DNAJB1: variants seen among roughly 807,000 people sequenced by gnomAD.
DNAJB1 encodes the protein dnaJ homolog subfamily B member 1.
A neutral mutation model predicts 24.0 loss-of-function variants in DNAJB1; 14 were observed. The ratio of observed to expected loss-of-function variants is 0.58; its 90% CI spans 0.39 to 0.91. The LOEUF is 0.91. DNAJB1 is among the 40% of genes least tolerant of loss of function. The probability of loss-of-function intolerance (pLI) is 0.00; values close to 1 mark genes in which losing one functional copy is unlikely to be tolerated. For synonymous variants in DNAJB1, 262 were observed against 174.4 expected, an observed-to-expected ratio of 1.50 and a Z score of -3.96; for missense variants, 517 against 458.1, an observed-to-expected ratio of 1.13 and a Z score of -1.17.
chr19:14,520,056 T>C (rs1035137530), upstream of DNAJB1, among the ~76,000 whole-genome samples: 1 of 152,146 alleles, frequency 6.6e-6, no homozygotes, highest in African/African-American at 2.4e-5. Flanking sequence ...CTTGGGTTAG[T>C]TACTAGGCCT....
intron 1 of DNAJB1, among the ~76,000 whole-genome samples, chr19:14,535,994 G>T (rs1003474477): frequency 6.6e-6 from 1 of 152,016 alleles, no homozygotes; most frequent in Non-Finnish European, 1.5e-5. Flanking sequence ...CCATTTCTTT[G>T]CTGTAGGCAC....
chr19:14,539,912 C>T (rs1307989052), intron 1 of DNAJB1, among the ~76,000 whole-genome samples: 1 of 151,314 alleles, frequency 6.6e-6, no homozygotes, highest in Non-Finnish European at 1.5e-5. Flanking sequence ...CGGAGTCCTG[C>T]CCTGTTGCCC....
chr19:14,524,963 C>T (rs1207077185), intron 2 of DNAJB1, among the ~76,000 whole-genome samples: 3 of 151,616 alleles, frequency 2.0e-5, no homozygotes, highest in South Asian at 2.1e-4. Flanking sequence ...TGGCTGGGTG[C>T]GGTGGCTCAT....
chr19:14,529,794 C>T (rs2072547924), upstream of DNAJB1: 3 of 1,592,708 alleles, frequency 1.9e-6, no homozygotes, highest in Non-Finnish European at 2.6e-6. Context: ...ACCCCACTTT[C>T]TGGTCCTGTG....
chr19:14,545,504 TA>T (rs1477947351), intron 1 of DNAJB1, among the ~76,000 whole-genome samples: 5 of 152,040 alleles, frequency 3.3e-5, no homozygotes, highest in African/African-American at 1.2e-4. Context: ...CCAGCAAGCC[TA>T]GGGGGTGGGG....
chr19:14,518,521 A>G (rs1021193197), upstream of DNAJB1: 730 of 446,738 alleles, frequency 1.6e-3, 10 homozygotes, highest in Non-Finnish European at 1.2e-4. Flanking sequence ...CCGCCCTTTC[A>G]GCGACACGCG....
At chr19:14,524,413 C>T (rs1245838556) in intron 2 of DNAJB1, among the ~76,000 whole-genome samples, 3 of 152,008 alleles carry the variant, frequency 2.0e-5, no homozygotes, top group African/African-American at 2.4e-5. Context: ...GTGCCAGCTA[C>T]TTGGGAGGCT....
intron 1 of DNAJB1, among the ~76,000 whole-genome samples, chr19:14,528,245 CTTTTTTCTTTTT>C (rs1231311683): frequency 7.2e-6 from 1 of 139,242 alleles, no homozygotes; most frequent in African/African-American, 2.7e-5. Flanking sequence ...ATTTCTTTTT[CTTTTTTCTTTTT>C]TTTTTTTTGA....
intron 1 of DNAJB1, chr19:14,545,774 AG>A (rs1672679453): frequency 6.5e-6 from 1 of 153,656 alleles, no homozygotes; most frequent in Non-Finnish European, 1.4e-5. Flanking sequence ...CCGTGTGACA[AG>A]TACATCCCTG....
chr19:14,529,621 G>A (rs199703577), upstream of DNAJB1: 2 of 1,609,258 alleles, frequency 1.2e-6, no homozygotes, highest in South Asian at 1.1e-5. Flanking sequence ...GGTTGCGAGC[G>A]CTGTAGGGAG....
chr19:14,516,829 G>T lies in DNAJB1; in HGVS notation c.429C>A (p.Asn143Lys). Reference protein sequence around the residue: ...GFPMGMGGFTNVNFGRSRSAQ... With the variant: ...GFPMGMGGFTKVNFGRSRSAQ... ...CAGAGCGGGAGCGGCCAAAGTTCAC[G>T]TTGGTGAAGCCACCCATGCCCATAG... The change falls in exon 2 of 3, where the codon AAC (asparagine) becomes AAA (lysine). Residue 143 changes from asparagine to lysine, a missense_variant. Transcript: ENST00000254322. 1 of 1,613,906 alleles carries T rather than the reference G, an allele frequency of 6.2e-7. No homozygotes were observed. Among genetic ancestry groups the T allele is most frequent in the Non-Finnish European group, 8.5e-7 (1 of 1,179,974 alleles).
At chr19:14,520,197 G>A (rs2072344746), upstream of DNAJB1, among the ~76,000 whole-genome samples, 1 of 152,232 alleles carries the variant, frequency 6.6e-6, no homozygotes, top group Admixed American at 6.5e-5. Flanking sequence ...CACAAAGGAA[G>A]CATTGTCAAA....
chr19:14,547,661 ATT>A (rs71166755), intron 1 of DNAJB1, among the ~76,000 whole-genome samples: 7 of 142,880 alleles, frequency 4.9e-5, no homozygotes, highest in Admixed American at 7.1e-5. Context: ...TGTACCTAAT[ATT>A]TTTTTTTTTT....
upstream of DNAJB1, among the ~76,000 whole-genome samples, chr19:14,521,160 A>G (rs1311481943): frequency 6.6e-6 from 1 of 152,280 alleles, no homozygotes; most frequent in South Asian, 2.1e-4. Flanking sequence ...TGGTTGTTCT[A>G]AAGTTTCTTG....
intron 1 of DNAJB1, chr19:14,517,590 C>T (rs371557676): frequency 6.5e-6 from 1 of 154,570 alleles, no homozygotes; most frequent in Admixed American, 6.5e-5. Context: ...GCTCTCCTTA[C>T]CCTCCGAGGC....
intron 1 of DNAJB1, among the ~76,000 whole-genome samples, chr19:14,542,356 T>TTTTTTTTG (rs1487491166): frequency 3.3e-5 from 4 of 121,996 alleles, no homozygotes; most frequent in African/African-American, 1.3e-4. Flanking sequence ...TGTTTTTTTT[T>TTTTTTTTG]TTTTTTTTTT....
chr19:14,516,915 A>C lies in DNAJB1; in HGVS notation c.343T>G (p.Phe115Val). The change falls in exon 2 of 3, where the codon TTT (phenylalanine) becomes GTT (valine). Residue 115 changes from phenylalanine to valine, a missense_variant. Physicochemically the swap from Phe to Val is conservative, Grantham distance 50. Coordinates refer to ENST00000254322, the MANE Select transcript of DNAJB1 (RefSeq NM_006145.3). ...FFGGRNPFDT[F>V]FGQRNGEEGM... ...TCCTCCCCGTTCCGCTGCCCAAAAA[A>C]GGTGTCAAAGGGATTTCTGCCACCG... The C allele has an allele frequency of 6.2e-7, 1 of 1,614,110 alleles. No individual in the cohort carries two copies. Among genetic ancestry groups the C allele is most frequent in the South Asian group, 1.1e-5 (1 of 91,078 alleles).
At position 14,535,710 on chromosome 19, in the gene DNAJB1, C is replaced by T. The variant is rs1172519465; in HGVS notation, c.-213-7900G>A. 2.9e-5 allele frequency among the ~76,000 whole-genome samples: 4 copies of T among 136,362 alleles called. No individual in the cohort carries two copies. The Middle Eastern group carries it at 0.011, about 387-fold the overall frequency. 89.5% of individuals were successfully genotyped at this position (136,362 alleles called of 152,430 possible). ...GTGGAGGTCGCGGACGAGCTGAGAT[C>T]GCACCACTGCATTCCGGTCCTGGGC... On this transcript the variant is annotated intron_variant, in intron 1 of 3. Transcript: ENST00000676982.
At chr19:14,550,664 G>C (rs983923950), upstream of DNAJB1, among the ~76,000 whole-genome samples, 6 of 152,088 alleles carry the variant, frequency 3.9e-5, no homozygotes, top group Non-Finnish European at 8.8e-5. Flanking sequence ...GGCCCCAGCG[G>C]CCAGGAGTGT....
Sources: allele counts gnomAD v4.1 joint callset (sites outside exome capture counted in the v4.1 genomes callset), GRCh38; gene constraint gnomAD v4.1.1; transcripts MANE v1.5; gene names NCBI Gene and HGNC (gene_info 2026-07-23, HGNC 2026-07-21).